Variants in EXT2 observed in about 807,000 individuals in gnomAD.
The protein encoded by EXT2 is exostosin glycosyltransferase 2.
In EXT2, 53 loss-of-function variants were observed where a neutral mutation model predicts 81.6. The ratio of observed to expected loss-of-function variants is 0.65; its 90% CI spans 0.52 to 0.82. The LOEUF is 0.82. EXT2 is among the 40% of genes least tolerant of loss of function. EXT2 has a pLI of 0.00. For missense variants in EXT2, 774 were observed against 910.2 expected (o/e 0.85, Z 1.93); for synonymous variants, 320 against 340.0 (o/e 0.94, Z 0.65).
In EXT2 at chr11:44,248,656, A is replaced by T. The variant is rs558217953; in HGVS notation, c.*4369A>T. Among the ~76,000 whole-genome samples, 24 of 152,320 alleles carry T rather than the reference A, an allele frequency of 1.6e-4. No homozygotes were observed. Among genetic ancestry groups the T allele is most frequent in the African/African-American group, 5.3e-4 (22 of 41,582 alleles). On this transcript the variant is annotated 3_prime_UTR_variant, in exon 14 of 14. Transcript: ENST00000533608. ...ATTTTAGGGTGGGAGCTGTGAGTTC[A>T]TCTGAAGACTGGGTGAGGGCATTGT...
In EXT2 at chr11:44,180,072, C is replaced by T. The variant is rs566898545; in HGVS notation, c.1305+8330C>T. Among the ~76,000 whole-genome samples the T allele has an allele frequency of 2.0e-5, 3 of 152,204 alleles. No homozygotes were observed. The South Asian group carries it at 6.2e-4, about 32-fold the overall frequency. ...TGGTTTTGTGTTTTAGAAAATAGTG[C>T]GGCTTAAAAATTCAAGTAAAAGAAA... On this transcript the variant is annotated intron_variant, in intron 8 of 13. Coordinates refer to ENST00000533608, the MANE Select transcript of EXT2 (RefSeq NM_207122.2).
At chr11:44,236,969 G>A (rs919791155) in intron 13 of EXT2, among the ~76,000 whole-genome samples, 1 of 152,196 alleles carries the variant, frequency 6.6e-6, no homozygotes, top group Non-Finnish European at 1.5e-5. Flanking sequence ...AAAAGAGTGG[G>A]AGATGTATGT....
chr11:44,250,710 C>T lies in EXT2; in HGVS notation c.*6423C>T, dbSNP rs912513226. Among the ~76,000 whole-genome samples, 14 of 152,158 alleles carry T rather than the reference C, an allele frequency of 9.2e-5. No individual in the cohort carries two copies. The highest frequency in any genetic ancestry group is 1.5e-4 in the Non-Finnish European group (10 of 68,026). On this transcript the variant is annotated 3_prime_UTR_variant, in exon 14 of 14. Transcript: ENST00000533608. ...TTGAGGAGTCCAGAGAGCGTCCATCCGGTGCCTGGTGAGGGCCCTGCATGG... is the reference window on the plus strand; with the variant it reads ...TTGAGGAGTCCAGAGAGCGTCCATCTGGTGCCTGGTGAGGGCCCTGCATGG...
At chr11:44,184,713 T>C (rs1466455550) in intron 8 of EXT2, among the ~76,000 whole-genome samples, 1 of 152,210 alleles carries the variant, frequency 6.6e-6, no homozygotes, top group Non-Finnish European at 1.5e-5. Context: ...ATGGTGCCAC[T>C]GCACTCCAGC....
intron 6 of EXT2, among the ~76,000 whole-genome samples, chr11:44,128,980 A>G (rs77543739): frequency 1.3e-5 from 2 of 152,226 alleles, no homozygotes; most frequent in South Asian, 4.1e-4. Context: ...TGAGGTTTAG[A>G]GTTTAATCAT....
chr11:44,121,646 G>A (rs1427244937), intron 4 of EXT2, among the ~76,000 whole-genome samples: 2 of 127,474 alleles, frequency 1.6e-5, no homozygotes, highest in East Asian at 4.8e-4. Context: ...CCCCTACATT[G>A]TGCTGCCCTG....
chr11:44,121,491 C>T (rs1954315552), intron 4 of EXT2, among the ~76,000 whole-genome samples: 1 of 152,138 alleles, frequency 6.6e-6, no homozygotes, highest in Admixed American at 6.5e-5. Context: ...CCTTCTCTGA[C>T]TCCTAGAAAT....
At position 44,206,866 on chromosome 11, in the gene EXT2, CT is replaced by C; in HGVS notation, c.1571del (p.Phe524SerfsTer21). The C allele has an allele frequency of 6.2e-7, 1 of 1,614,124 alleles. No homozygotes were observed. Among genetic ancestry groups the C allele is most frequent in the Non-Finnish European group, 8.5e-7 (1 of 1,180,010 alleles). Reference sequence around the variant, plus strand: ...CTGAAAACAAGTTAAGTAACCGTTTCTTCCCTTATGATGAAATCGAGACAGA... The same window carrying C: ...CTGAAAACAAGTTAAGTAACCGTTTCTCCCTTATGATGAAATCGAGACAGA... ...TAENKLSNRFFPYDEIETEAV... is the reference protein window; with the variant it reads ...TAENKLSNRFXPYDEIETEAV... On this transcript the variant is annotated frameshift_variant, in exon 10 of 14. Coordinates refer to ENST00000533608, the MANE Select transcript of EXT2 (RefSeq NM_207122.2). LOFTEE classifies it high-confidence loss of function.
chr11:44,234,029 C>G, intron 11 of EXT2, 86 bp from the exon 12 acceptor site: 1 of 1,585,388 alleles, frequency 6.3e-7, no homozygotes, highest in South Asian at 1.1e-5. Context: ...AAGCTTGTCC[C>G]CATGCCTTGG....
At chr11:44,103,577 G>T in intron 1 of EXT2, 1 of 397,784 alleles carries the variant, frequency 2.5e-6, no homozygotes, top group Admixed American at 3.6e-5. Context: ...TCTGAACTCT[G>T]GAATAATTTG....
At chr11:44,100,051 C>T (rs200209625) in intron 1 of EXT2, among the ~76,000 whole-genome samples, 1 of 152,152 alleles carries the variant, frequency 6.6e-6, no homozygotes, top group Admixed American at 6.5e-5. Context: ...GATGTGGCTT[C>T]CCTCCAAAGG....
At chr11:44,179,910 A>G (rs953638085) in intron 8 of EXT2, among the ~76,000 whole-genome samples, 1 of 151,922 alleles carries the variant, frequency 6.6e-6, no homozygotes, top group Non-Finnish European at 1.5e-5. Flanking sequence ...GTGTCTCCCA[A>G]TTGATTAATA....
intron 4 of EXT2, among the ~76,000 whole-genome samples, chr11:44,119,915 T>G (rs1954292212): frequency 6.6e-6 from 1 of 152,218 alleles, no homozygotes; most frequent in Non-Finnish European, 1.5e-5. Flanking sequence ...GCCTCTGTCT[T>G]CAGTGCACTT....
intron 10 of EXT2, among the ~76,000 whole-genome samples, chr11:44,219,500 A>G (rs1955759520): frequency 6.6e-6 from 1 of 152,240 alleles, no homozygotes; most frequent in Non-Finnish European, 1.5e-5. Context: ...TCTCAAAAAA[A>G]TAAATAATTA....
chr11:44,236,557 G>T (rs1172151976), intron 13 of EXT2, among the ~76,000 whole-genome samples, 182 bp downstream of exon 13: 1 of 152,202 alleles, frequency 6.6e-6, no homozygotes, highest in Non-Finnish European at 1.5e-5. Flanking sequence ...AATTTGGAAT[G>T]CTACTCACTC....
chr11:44,181,061 A>G (rs1475923273), intron 8 of EXT2, among the ~76,000 whole-genome samples: 1 of 151,824 alleles, frequency 6.6e-6, no homozygotes, highest in African/African-American at 2.4e-5. Flanking sequence ...AGTTCGCACC[A>G]TTGCACTCCA....
chr11:44,204,728 T>C (rs1453624145), intron 9 of EXT2, among the ~76,000 whole-genome samples: 2 of 152,160 alleles, frequency 1.3e-5, no homozygotes, highest in African/African-American at 4.8e-5. Flanking sequence ...GCACGCCCCT[T>C]ACGAGAATCT....
intron 1 of EXT2, among the ~76,000 whole-genome samples, chr11:44,102,538 T>C (rs896766861): frequency 1.0e-4 from 15 of 144,746 alleles, no homozygotes; most frequent in East Asian, 5.9e-4. Context: ...CTCTCTCTTT[T>C]TTTTTTTTTT....
chr11:44,167,182 T>C (rs917526753), intron 7 of EXT2, among the ~76,000 whole-genome samples: 1 of 152,082 alleles, frequency 6.6e-6, no homozygotes, highest in African/African-American at 2.4e-5. Context: ...GTATTTGGGA[T>C]CTGAAACACA....
Sources: allele counts gnomAD v4.1 joint callset (sites outside exome capture counted in the v4.1 genomes callset), GRCh38; gene constraint gnomAD v4.1.1; transcripts MANE v1.5; gene names NCBI Gene and HGNC (gene_info 2026-07-23, HGNC 2026-07-21).